KCNB2: variants seen among roughly 807,000 people sequenced by gnomAD.
KCNB2 encodes delayed rectifier potassium channel protein.
In KCNB2, 15 loss-of-function variants were observed where a neutral mutation model predicts 61.5. The observed-to-expected ratio is 0.24, with a 90% CI of 0.16 to 0.38. The LOEUF (loss-of-function observed/expected upper bound fraction) is 0.38. Among genes scored for constraint, KCNB2 ranks in the 10% least tolerant of loss-of-function variants. The probability of loss-of-function intolerance (pLI) is 1.00; values close to 1 mark genes in which losing one functional copy is unlikely to be tolerated. For synonymous variants in KCNB2, 457 were observed against 446.0 expected, an observed-to-expected ratio of 1.02 and a Z score of -0.31; for missense variants, 828 against 1,125.2, an observed-to-expected ratio of 0.74 and a Z score of 3.78.
intron 2 of KCNB2, among the ~76,000 whole-genome samples, chr8:72,899,298 C>A (rs1806044231): frequency 6.6e-6 from 1 of 152,234 alleles, no homozygotes; most frequent in African/African-American, 2.4e-5. Flanking sequence ...ACTGAATGAG[C>A]AAAAGATGGA....
intron 2 of KCNB2, among the ~76,000 whole-genome samples, chr8:72,798,351 T>C (rs184923358): frequency 2.5e-4 from 38 of 152,278 alleles, no homozygotes; most frequent in Admixed American, 2.3e-3. Flanking sequence ...ATGAATGCCC[T>C]GACACGCCTA....
At chr8:72,893,110 A>C (rs1805928006) in intron 2 of KCNB2, among the ~76,000 whole-genome samples, 1 of 152,030 alleles carries the variant, frequency 6.6e-6, no homozygotes, top group South Asian at 2.1e-4. Flanking sequence ...TAAAAAAAAA[A>C]AAAAACTAGA....
intron 2 of KCNB2, among the ~76,000 whole-genome samples, chr8:72,611,869 T>C (rs1293004660): frequency 1.3e-5 from 2 of 152,150 alleles, no homozygotes; most frequent in East Asian, 3.8e-4. Flanking sequence ...ATCCTCACTT[T>C]CTTCGTTTTC....
chr8:72,786,311 C>T (rs544844743), intron 2 of KCNB2, among the ~76,000 whole-genome samples: 2 of 152,242 alleles, frequency 1.3e-5, no homozygotes, highest in African/African-American at 4.8e-5. Context: ...TTATTAGCCA[C>T]AATCTTAGCA....
chr8:72,591,250 C>A (rs908785948), intron 2 of KCNB2, among the ~76,000 whole-genome samples: 1 of 152,064 alleles, frequency 6.6e-6, no homozygotes, highest in Non-Finnish European at 1.5e-5. Flanking sequence ...TAAGGCGCTG[C>A]GTAGCTTCAA....
At chr8:72,677,853 G>A (rs941280655) in intron 2 of KCNB2, among the ~76,000 whole-genome samples, 1 of 152,126 alleles carries the variant, frequency 6.6e-6, no homozygotes, top group African/African-American at 2.4e-5. Flanking sequence ...AAGATGCTCT[G>A]AATCTACATT....
chr8:72,832,131 T>C (rs1402018899), intron 2 of KCNB2, among the ~76,000 whole-genome samples: 1 of 152,200 alleles, frequency 6.6e-6, no homozygotes, highest in Admixed American at 6.5e-5. Context: ...GAATGTATAA[T>C]GTATGCTGTA....
chr8:72,938,081 C>T lies in KCNB2; in HGVS notation c.2726C>T (p.Thr909Ile). The T allele has an allele frequency of 6.2e-7, 1 of 1,601,072 alleles. No individual in the cohort carries two copies. Among genetic ancestry groups the T allele is most frequent in the Non-Finnish European group, 8.5e-7 (1 of 1,173,590 alleles). The change falls in exon 3 of 3, where the codon ACC (threonine) becomes ATC (isoleucine). Residue 909 changes from threonine to isoleucine, a missense_variant. Around this residue, in one of 4 missense-constraint regions of KCNB2, gnomAD observed 559 missense variants for 588.4 expected, o/e 0.95. Transcript: ENST00000523207. Reference sequence around the variant, plus strand: ...ACAGGTTATTGTCCCACACGTGAAACCAGCATGTGACTAGTTACAAAAGCA... The same window carrying T: ...ACAGGTTATTGTCCCACACGTGAAATCAGCATGTGACTAGTTACAAAAGCA... ...GDTGYCPTRE[T>I]SM
At chr8:72,899,439 A>C (rs1413810518) in intron 2 of KCNB2, among the ~76,000 whole-genome samples, 1 of 152,160 alleles carries the variant, frequency 6.6e-6, no homozygotes, top group Non-Finnish European at 1.5e-5. Flanking sequence ...AAGTCCAACT[A>C]TCTCCCTTCA....
intron 2 of KCNB2, among the ~76,000 whole-genome samples, chr8:72,771,245 C>T (rs2255827): frequency 0.67 from 101,616 of 152,132 alleles, 34,411 homozygotes; most frequent in African/African-American, 0.77. Flanking sequence ...TTAACATCAG[C>T]GGTTACCTAA....
intron 2 of KCNB2, among the ~76,000 whole-genome samples, chr8:72,799,702 G>A (rs1013222231): frequency 2.6e-5 from 4 of 152,126 alleles, no homozygotes; most frequent in Non-Finnish European, 5.9e-5. Context: ...TAGCAAATAC[G>A]TATTCAGTAC....
At chr8:72,931,705 T>C (rs1269718287) in intron 2 of KCNB2, among the ~76,000 whole-genome samples, 1 of 151,934 alleles carries the variant, frequency 6.6e-6, no homozygotes, top group Non-Finnish European at 1.5e-5. Flanking sequence ...TTGTTGGAGG[T>C]GAAAGGGATT....
intron 2 of KCNB2, among the ~76,000 whole-genome samples, chr8:72,810,804 G>A (rs545866208): frequency 6.6e-6 from 1 of 152,262 alleles, no homozygotes; most frequent in Non-Finnish European, 1.5e-5. Flanking sequence ...TTGATGTTTG[G>A]CAGAGGAAAA....
At chr8:72,662,492 G>A (rs183464526) in intron 2 of KCNB2, among the ~76,000 whole-genome samples, 396 of 152,300 alleles carry the variant, frequency 2.6e-3, no homozygotes, top group Non-Finnish European at 4.2e-3. Flanking sequence ...GGATATGGAT[G>A]ATGGCTGGGG....
chr8:72,605,424 G>T (rs1187204855), intron 2 of KCNB2, among the ~76,000 whole-genome samples: 1 of 152,160 alleles, frequency 6.6e-6, no homozygotes, highest in African/African-American at 2.4e-5. Flanking sequence ...GAGACATGAA[G>T]ATTTTTAACT....
At chr8:72,921,030 C>G (rs115993365) in intron 2 of KCNB2, among the ~76,000 whole-genome samples, 16 of 152,054 alleles carry the variant, frequency 1.1e-4, no homozygotes, top group African/African-American at 3.1e-4. Context: ...TTGCAGAGCG[C>G]GGAAGGTAGG....
chr8:72,696,420 C>G (rs1252333002), intron 2 of KCNB2, among the ~76,000 whole-genome samples: 1 of 152,116 alleles, frequency 6.6e-6, no homozygotes, highest in Non-Finnish European at 1.5e-5. Context: ...GACAACAGAC[C>G]TTTCTCCAGA....
chr8:72,798,433 A>C (rs1809067942), intron 2 of KCNB2, among the ~76,000 whole-genome samples: 1 of 152,184 alleles, frequency 6.6e-6, no homozygotes, highest in Non-Finnish European at 1.5e-5. Flanking sequence ...AGCACTCAGC[A>C]TAATGCCTTG....
intron 2 of KCNB2, among the ~76,000 whole-genome samples, chr8:72,917,018 C>T (rs1806414317): frequency 6.6e-6 from 1 of 152,188 alleles, no homozygotes; most frequent in Non-Finnish European, 1.5e-5. Flanking sequence ...TGGAATTTAT[C>T]ATTTTGGGCC....
Sources: gnomAD v4.1 joint callset for allele counts (sites outside exome capture counted in the v4.1 genomes callset) on GRCh38, gnomAD v4.1.1 for gene constraint, gnomAD v4.1.1 regional missense constraint, MANE v1.5 for transcripts, NCBI Gene and HGNC (gene_info 2026-07-23, HGNC 2026-07-21) for gene names.